The following ZC2HC1A variants were observed in gnomAD, a reference collection of about 807,000 sequenced individuals.
ZC2HC1A encodes the protein zinc finger C2HC-type containing 1A, also known as zinc finger C2HC domain-containing protein 1A.
A neutral mutation model predicts 40.7 loss-of-function variants in ZC2HC1A; 28 were observed. The observed-to-expected ratio is 0.69, with a 90% CI of 0.51 to 0.94. The LOEUF is 0.94. Among genes scored for constraint, ZC2HC1A ranks in the 40% least tolerant of loss-of-function variants. The pLI, the probability that ZC2HC1A is intolerant of heterozygous loss-of-function variation, is 0.00. For missense variants in ZC2HC1A, 389 were observed against 386.3 expected, an observed-to-expected ratio of 1.01 and a Z score of -0.06; for synonymous variants, 129 against 129.2, an observed-to-expected ratio of 1.00 and a Z score of 0.01.
At chr8:78,672,946 G>A (rs900405377) in intron 1 of ZC2HC1A, among the ~76,000 whole-genome samples, 1 of 151,704 alleles carries the variant, frequency 6.6e-6, no homozygotes, top group Admixed American at 6.6e-5. Context: ...TGTGCAGAAC[G>A]TGCAGGCTTG....
chr8:78,687,507 T>C (rs888634955), intron 4 of ZC2HC1A, among the ~76,000 whole-genome samples: 1 of 142,638 alleles, frequency 7.0e-6, no homozygotes, highest in Non-Finnish European at 1.5e-5. Context: ...TATAATAAAT[T>C]ATATATATTT....
Position 78,678,613 on chromosome 8 carries a change from T to C in ZC2HC1A, c.144T>C (p.Thr48=), listed in dbSNP as rs371942724. 6.2e-7 allele frequency: 1 copy of C among 1,612,546 alleles called. No individual in the cohort carries two copies. The highest frequency in any genetic ancestry group is 1.3e-5 in the African/African-American group (1 of 74,800). ...AGACTGCAACTAAAAAACGGAAGAC[T>C]TTTGATTCAAGCAGACAGAGAGCTG... ...CQKTATKKRK[T]FDSSRQRAEG... is the part of the protein sequence containing the mutation. The change falls in exon 3 of 9, where the codon ACT becomes ACC. Residue 48 remains threonine (T), a synonymous_variant. Coordinates refer to ENST00000263849, the MANE Select transcript of ZC2HC1A (RefSeq NM_016010.3).
At chr8:78,709,551 T>C (rs1203058397) in intron 7 of ZC2HC1A, among the ~76,000 whole-genome samples, 3 of 152,066 alleles carry the variant, frequency 2.0e-5, no homozygotes, top group Non-Finnish European at 4.4e-5. Flanking sequence ...ATACTAATTA[T>C]TTGTGTAGGA....
chr8:78,672,934 C>T (rs1048055391), intron 1 of ZC2HC1A, among the ~76,000 whole-genome samples: 2 of 152,034 alleles, frequency 1.3e-5, no homozygotes, highest in Non-Finnish European at 2.9e-5. Flanking sequence ...TTCTGGGCTA[C>T]ATGTGCAGAA....
At chr8:78,689,168 A>T in intron 4 of ZC2HC1A, 54 bp from the exon 5 acceptor site, 1 of 1,294,172 alleles carries the variant, frequency 7.7e-7, no homozygotes, top group Non-Finnish European at 1.0e-6. Flanking sequence ...AGATTTTTTA[A>T]TGTCCGTTTC....
intron 1 of ZC2HC1A, among the ~76,000 whole-genome samples, chr8:78,671,128 C>G (rs1175230689): frequency 6.6e-6 from 1 of 152,176 alleles, no homozygotes; most frequent in Admixed American, 6.6e-5. Flanking sequence ...AAAATGTTCT[C>G]TCATAGTTCT....
At chr8:78,667,244 G>A (rs770507477) in intron 1 of ZC2HC1A, among the ~76,000 whole-genome samples, 1 of 152,124 alleles carries the variant, frequency 6.6e-6, no homozygotes, top group East Asian at 1.9e-4. Flanking sequence ...AGTTTATTTC[G>A]TGCTTTTGCT....
chr8:78,680,244 C>T (rs1047269406), intron 3 of ZC2HC1A, among the ~76,000 whole-genome samples: 9 of 131,268 alleles, frequency 6.9e-5, no homozygotes, highest in Non-Finnish European at 1.2e-4. Flanking sequence ...AAGCAAAGTA[C>T]AGTCCGCAGT....
At chr8:78,700,527 ATTTGTGTT>A (rs930216641) in intron 7 of ZC2HC1A, among the ~76,000 whole-genome samples, 2 of 151,992 alleles carry the variant, frequency 1.3e-5, no homozygotes, top group African/African-American at 4.8e-5. Flanking sequence ...CCATTTGTCA[ATTTGTGTT>A]TTTGTTGCAA....
intron 1 of ZC2HC1A, among the ~76,000 whole-genome samples, chr8:78,672,936 T>C (rs1013527143): frequency 6.6e-6 from 1 of 152,168 alleles, no homozygotes; most frequent in African/African-American, 2.4e-5. Flanking sequence ...CTGGGCTACA[T>C]GTGCAGAACG....
chr8:78,670,479 T>G (rs1045181090), intron 1 of ZC2HC1A, among the ~76,000 whole-genome samples: 3 of 152,178 alleles, frequency 2.0e-5, no homozygotes, highest in East Asian at 1.9e-4. Flanking sequence ...ATACTAAGCT[T>G]CTTTTTTTAA....
At chr8:78,691,183 G>A (rs929557916) in intron 5 of ZC2HC1A, among the ~76,000 whole-genome samples, 51 of 152,102 alleles carry the variant, frequency 3.4e-4, no homozygotes, top group African/African-American at 1.1e-3. Flanking sequence ...TTTCACCATT[G>A]TGTATGATGT....
chr8:78,686,369 A>G (rs1809971287), intron 3 of ZC2HC1A, 98 bp from the exon 4 acceptor site: 1 of 1,035,460 alleles, frequency 9.7e-7, no homozygotes, highest in Non-Finnish European at 1.3e-6. Flanking sequence ...TGATAAGAGA[A>G]CATTTAAAAT....
intron 7 of ZC2HC1A, among the ~76,000 whole-genome samples, chr8:78,700,270 GAA>G (rs1303403717): frequency 1.3e-5 from 2 of 152,204 alleles, no homozygotes; most frequent in African/African-American, 4.8e-5. Context: ...GTCTTCTTTT[GAA>G]AAGTGTCTGT....
At chr8:78,677,132 G>T (rs150128748) in intron 2 of ZC2HC1A, among the ~76,000 whole-genome samples, 4 of 152,004 alleles carry the variant, frequency 2.6e-5, no homozygotes, top group South Asian at 4.1e-4. Context: ...CAGTTTTGAG[G>T]TTTTATTTTT....
At chr8:78,687,413 C>A (rs1029777034) in intron 4 of ZC2HC1A, among the ~76,000 whole-genome samples, 2 of 147,312 alleles carry the variant, frequency 1.4e-5, no homozygotes, top group Non-Finnish European at 3.0e-5. Flanking sequence ...ATTTTATATG[C>A]CATAAGGTTT....
At chr8:78,687,723 AC>A (rs1427042843) in intron 4 of ZC2HC1A, among the ~76,000 whole-genome samples, 34 of 75,350 alleles carry the variant, frequency 4.5e-4, no homozygotes, top group Non-Finnish European at 5.6e-4. Flanking sequence ...TTTACGTAAT[AC>A]ATTATATATA....
chr8:78,696,580 A>G (rs2130537653), intron 5 of ZC2HC1A, among the ~76,000 whole-genome samples: 1 of 152,332 alleles, frequency 6.6e-6, no homozygotes, highest in Middle Eastern at 3.4e-3. Context: ...AAAAAGAGAA[A>G]GTAAAATAAA....
chr8:78,669,316 G>T, intron 1 of ZC2HC1A, among the ~76,000 whole-genome samples: 1 of 143,008 alleles, frequency 7.0e-6, no homozygotes, highest in East Asian at 1.9e-4. Context: ...TGAAAAAAAT[G>T]GAGCTATTAA....
Sources: allele counts gnomAD v4.1 joint callset (sites outside exome capture counted in the v4.1 genomes callset), GRCh38; gene constraint gnomAD v4.1.1; transcripts MANE v1.5; gene names NCBI Gene and HGNC (gene_info 2026-07-23, HGNC 2026-07-21).